Variants in PHF24 observed in about 807,000 individuals in gnomAD.
PHF24 encodes PHD finger protein 24, also known as Galpha inhibitory interacting protein.
PHF24 carries 25 observed loss-of-function variants against 42.6 expected under a neutral mutation model. The observed-to-expected ratio is 0.59, with a 90% CI of 0.43 to 0.82. The LOEUF (loss-of-function observed/expected upper bound fraction) is 0.82. Among genes scored for constraint, PHF24 ranks in the 40% least tolerant of loss-of-function variants. The pLI is 0.00. For synonymous variants in PHF24, 185 were observed against 204.8 expected, an observed-to-expected ratio of 0.90 and a Z score of 0.83; for missense variants, 470 against 538.1, an observed-to-expected ratio of 0.87 and a Z score of 1.25.
At chr9:34,901,034 T>G in the PHF24 span, among the ~76,000 whole-genome samples, 1 of 152,188 alleles carries the variant, frequency 6.6e-6, no homozygotes, top group African/African-American at 2.4e-5. Flanking sequence ...AAGAAATAGA[T>G]AACCTGAATG....
the PHF24 span, among the ~76,000 whole-genome samples, chr9:34,856,146 C>G: frequency 6.6e-6 from 1 of 152,142 alleles, no homozygotes; most frequent in African/African-American, 2.4e-5. Flanking sequence ...TCTCTCTAAG[C>G]TGGATATTCT....
chr9:34,888,236 C>T, the PHF24 span, among the ~76,000 whole-genome samples: 34 of 152,296 alleles, frequency 2.2e-4, no homozygotes, highest in Admixed American at 1.4e-3. Context: ...CTCCTATGTA[C>T]TTTCATCTTA....
At chr9:34,746,166 C>G in the PHF24 span, among the ~76,000 whole-genome samples, 1 of 152,182 alleles carries the variant, frequency 6.6e-6, no homozygotes, top group Non-Finnish European at 1.5e-5. Flanking sequence ...GTAAAAACCA[C>G]AGGCTTTTGG....
the PHF24 span, among the ~76,000 whole-genome samples, chr9:34,680,707 T>A: frequency 4.2e-4 from 25 of 60,102 alleles, no homozygotes; most frequent in Admixed American, 1.0e-3. Context: ...AATAAATAAA[T>A]AAAAAAAAAA....
At chr9:34,764,869 G>A in the PHF24 span, among the ~76,000 whole-genome samples, 1 of 150,978 alleles carries the variant, frequency 6.6e-6, no homozygotes, top group Non-Finnish European at 1.5e-5. Context: ...ACACTGCTTT[G>A]AATGTGTCCC....
chr9:34,833,559 C>T, the PHF24 span: 2 of 1,551,476 alleles, frequency 1.3e-6, no homozygotes, highest in Non-Finnish European at 1.7e-6. Flanking sequence ...GCAGTTTGTT[C>T]CCTGGACTTC....
chr9:34,721,617 G>T, the PHF24 span, among the ~76,000 whole-genome samples: 1 of 152,054 alleles, frequency 6.6e-6, no homozygotes, highest in Non-Finnish European at 1.5e-5. Flanking sequence ...CACCATGTTG[G>T]CCAGGCTGGT....
the PHF24 span, among the ~76,000 whole-genome samples, chr9:34,794,161 T>C: frequency 6.6e-6 from 1 of 152,024 alleles, no homozygotes; most frequent in Non-Finnish European, 1.5e-5. Context: ...ATCTCTGAAA[T>C]CTAAACTGTG....
At chr9:34,686,368 C>T in the PHF24 span, among the ~76,000 whole-genome samples, 1 of 152,192 alleles carries the variant, frequency 6.6e-6, no homozygotes, top group Non-Finnish European at 1.5e-5. Context: ...AAACGCTCAA[C>T]CACACAACAG....
the PHF24 span, among the ~76,000 whole-genome samples, chr9:34,784,023 G>T: frequency 2.6e-5 from 4 of 152,148 alleles, no homozygotes; most frequent in African/African-American, 9.7e-5. Context: ...CCTCCAAGAA[G>T]CCAGCAGCTA....
chr9:34,864,436 T>C, the PHF24 span, among the ~76,000 whole-genome samples: 1 of 151,926 alleles, frequency 6.6e-6, no homozygotes, highest in Non-Finnish European at 1.5e-5. Flanking sequence ...GGAGCTCCAA[T>C]ACATCTGGCA....
the PHF24 span, among the ~76,000 whole-genome samples, chr9:34,675,033 T>G: frequency 3.4e-4 from 52 of 152,096 alleles, 1 homozygote; most frequent in Non-Finnish European, 2.6e-4. Context: ...ATTTTTTGTA[T>G]TTTTAGTAGA....
chr9:34,881,322 A>T, the PHF24 span, among the ~76,000 whole-genome samples: 1 of 152,186 alleles, frequency 6.6e-6, no homozygotes, highest in Non-Finnish European at 1.5e-5. Flanking sequence ...GAGCAAACAC[A>T]TTCAAAAGCT....
chr9:34,742,298 C>G, the PHF24 span, among the ~76,000 whole-genome samples: 1 of 152,194 alleles, frequency 6.6e-6, no homozygotes, highest in South Asian at 2.1e-4. Flanking sequence ...CTCACAAACT[C>G]AAGTTCAGAG....
the PHF24 span, among the ~76,000 whole-genome samples, chr9:34,793,632 C>CAGTCTAGAAGTGAGTGTTAGAACA: frequency 6.6e-6 from 1 of 152,182 alleles, no homozygotes; most frequent in African/African-American, 2.4e-5. Context: ...AACCAGCCTG[C>CAGTCTAGAAGTGAGTGTTAGAACA]AGTCTAGAAG....
the PHF24 span, chr9:34,918,012 C>T: frequency 7.9e-6 from 10 of 1,268,904 alleles, no homozygotes; most frequent in Admixed American, 3.4e-5. Flanking sequence ...ATTAAGCAAG[C>T]GACACCAGTA....
chr9:34,675,157 A>G, the PHF24 span, among the ~76,000 whole-genome samples: 86,038 of 151,984 alleles, frequency 0.57, 24,802 homozygotes, highest in East Asian at 0.8. Context: ...TGCGCTGGGC[A>G]GGTTTGTTTT....
At chr9:34,868,622 A>G in the PHF24 span, among the ~76,000 whole-genome samples, 3 of 152,228 alleles carry the variant, frequency 2.0e-5, no homozygotes, top group African/African-American at 7.2e-5. Context: ...TGCATTTAAC[A>G]TAGCAGTATG....
At chr9:34,904,465 G>T in the PHF24 span, among the ~76,000 whole-genome samples, 1 of 151,988 alleles carries the variant, frequency 6.6e-6, no homozygotes, top group African/African-American at 2.4e-5. Flanking sequence ...TGCTTTTTCT[G>T]CATCTATTGA....
Sources: allele counts gnomAD v4.1 joint callset (sites outside exome capture counted in the v4.1 genomes callset), GRCh38; gene constraint gnomAD v4.1.1; transcripts MANE v1.5; gene names NCBI Gene and HGNC (gene_info 2026-07-23, HGNC 2026-07-21).